The following PTPRG variants were observed in gnomAD, a reference collection of about 807,000 sequenced individuals.
PTPRG encodes the protein protein tyrosine phosphatase receptor type G.
In PTPRG, 102 loss-of-function variants were observed where a neutral mutation model predicts 165.3. The observed-to-expected ratio is 0.62, with a 90% CI of 0.53 to 0.73. The LOEUF (loss-of-function observed/expected upper bound fraction) is 0.73, where lower values mean the gene tolerates loss of function less well. Ranked by LOEUF, PTPRG falls within the 30% of genes least tolerant of loss-of-function variation. PTPRG has a pLI of 0.00. For missense variants in PTPRG, 1,866 were observed against 1,861.4 expected (o/e 1.00, Z -0.05); for synonymous variants, 675 against 669.5 (o/e 1.01, Z -0.13).
intron 1 of PTPRG, among the ~76,000 whole-genome samples, chr3:61,669,807 A>C (rs539271691): frequency 1.9e-4 from 29 of 152,296 alleles, no homozygotes; most frequent in Admixed American, 8.5e-4. Context: ...CACTGTGGAC[A>C]GCTGGTTGGG....
At chr3:62,113,626 G>T (rs934105299) in intron 5 of PTPRG, among the ~76,000 whole-genome samples, 1 of 152,154 alleles carries the variant, frequency 6.6e-6, no homozygotes. Flanking sequence ...CAAATGTCAA[G>T]CAACATGAGG....
chr3:62,078,901 G>T (rs758246490), intron 5 of PTPRG, among the ~76,000 whole-genome samples: 6 of 152,112 alleles, frequency 3.9e-5, no homozygotes, highest in Non-Finnish European at 7.4e-5. Context: ...GTGTTGATCA[G>T]TGAGTGCCTT....
intron 16 of PTPRG, among the ~76,000 whole-genome samples, chr3:62,258,312 C>G (rs1213633994): frequency 1.3e-5 from 2 of 152,194 alleles, no homozygotes; most frequent in Non-Finnish European, 2.9e-5. Context: ...TACTGATGAT[C>G]TACCATTCTC....
At chr3:61,612,190 G>C (rs1302980700) in intron 1 of PTPRG, among the ~76,000 whole-genome samples, 2 of 152,134 alleles carry the variant, frequency 1.3e-5, no homozygotes, top group Non-Finnish European at 2.9e-5. Flanking sequence ...TGATCCACCT[G>C]CCTTGGCCTA....
chr3:61,979,941 T>C (rs988158623), intron 2 of PTPRG, among the ~76,000 whole-genome samples: 2 of 152,104 alleles, frequency 1.3e-5, no homozygotes, highest in Non-Finnish European at 2.9e-5. Context: ...CTTTTTTTTT[T>C]TCCTCTCAGC....
intron 1 of PTPRG, among the ~76,000 whole-genome samples, chr3:61,588,076 T>C (rs1700478246): frequency 6.6e-6 from 1 of 152,206 alleles, no homozygotes; most frequent in African/African-American, 2.4e-5. Context: ...TTCTCTTTCA[T>C]GACCCTGCCC....
chr3:62,047,023 C>T (rs889491509), intron 4 of PTPRG, among the ~76,000 whole-genome samples: 3 of 152,010 alleles, frequency 2.0e-5, no homozygotes, highest in African/African-American at 7.2e-5. Flanking sequence ...GGTAATTTGC[C>T]CATGGGTATT....
chr3:61,699,219 C>G (rs1221299611), intron 1 of PTPRG, among the ~76,000 whole-genome samples: 1 of 151,754 alleles, frequency 6.6e-6, no homozygotes, highest in Non-Finnish European at 1.5e-5. Context: ...CGGGCGCGTT[C>G]AGGGTGGTAT....
chr3:61,628,485 T>TTTG (rs1054855455), intron 1 of PTPRG, among the ~76,000 whole-genome samples: 9 of 151,838 alleles, frequency 5.9e-5, no homozygotes, highest in Non-Finnish European at 1.3e-4. Context: ...CCAGCTAATT[T>TTTG]TTGTTGTTGT....
intron 2 of PTPRG, among the ~76,000 whole-genome samples, chr3:61,775,535 T>C (rs944974454): frequency 6.6e-6 from 1 of 152,186 alleles, no homozygotes; most frequent in African/African-American, 2.4e-5. Context: ...AAATCTTCTT[T>C]TTGATAATTT....
rs535970167 is a variant in PTPRG at position 62,295,938 on chromosome 3, T to C, written c.*2631T>C. 1 of 152,206 alleles carries C rather than the reference T, an allele frequency of 6.6e-6. No individual in the cohort carries two copies. Among genetic ancestry groups the C allele is most frequent in the South Asian group, 2.1e-4 (1 of 4,828 alleles). The allele number at this position is 152,206 out of a possible 1,614,324, so 9.4% of individuals were successfully genotyped here. A position where few individuals can be genotyped will look rare whatever the true frequency, so the allele number is the denominator to read the frequency against. ...CACATTGCTTAAGTACATAACAAGG[T>C]TATTAACACTTGCACTCAGGGGAAA... On this transcript the variant is annotated 3_prime_UTR_variant, in exon 30 of 30. Transcript: ENST00000474889.
At chr3:62,000,020 G>C (rs942676627) in intron 3 of PTPRG, among the ~76,000 whole-genome samples, 1 of 152,148 alleles carries the variant, frequency 6.6e-6, no homozygotes, top group African/African-American at 2.4e-5. Flanking sequence ...CCAGGCCCGG[G>C]CTGGGCACAG....
chr3:61,951,935 T>G (rs1281678879), intron 2 of PTPRG, among the ~76,000 whole-genome samples: 1 of 151,958 alleles, frequency 6.6e-6, no homozygotes, highest in African/African-American at 2.4e-5. Flanking sequence ...CTGGCCAACA[T>G]GGGGAAACCC....
At chr3:61,940,647 G>GC (rs1209911665) in intron 2 of PTPRG, among the ~76,000 whole-genome samples, 8 of 140,546 alleles carry the variant, frequency 5.7e-5, no homozygotes, top group African/African-American at 2.0e-4. Context: ...TTCAGTAGAT[G>GC]CTTTTATTTA....
At position 61,931,941 on chromosome 3, in the gene PTPRG, T is replaced by C. The variant is rs2039372802; in HGVS notation, c.191-57684T>C. The stretch of plus-strand genomic sequence containing the variant: ...TTGAAGCTTCTGGTTGAAACATTGC[T>C]CTTCTATGTTGTCTTCCTTTCTTAG... On this transcript the variant is annotated intron_variant, in intron 2 of 29. Transcript: ENST00000474889. Among the ~76,000 whole-genome samples the C allele has an allele frequency of 2.6e-5, 4 of 152,246 alleles. No homozygotes were observed. The South Asian group carries it at 6.2e-4, about 24-fold the overall frequency.
In PTPRG at chr3:61,742,856, T is replaced by C. The variant is rs1351779677; in HGVS notation, c.86-6022T>C. The C allele has an allele frequency of 1.8e-5, 28 of 1,572,650 alleles. No homozygotes were observed. In the Admixed American group the frequency reaches 4.0e-4, roughly 22 times the overall value. On this transcript the variant is annotated intron_variant, in intron 1 of 29. Coordinates refer to ENST00000474889, the MANE Select transcript of PTPRG (RefSeq NM_002841.4). ...AGTTTTTTCAGCGCCTCGATGTCCA[T>C]GTGGGGGATATCCACGGCCTTAGCC...
chr3:61,922,978 C>G (rs977241294), intron 2 of PTPRG, among the ~76,000 whole-genome samples: 9 of 152,196 alleles, frequency 5.9e-5, no homozygotes, highest in Admixed American at 5.9e-4. Flanking sequence ...CTATCCTGCT[C>G]TATTCCCTTA....
rs2148911872 is a variant in PTPRG at position 62,297,128 on chromosome 3, A to G, written c.*3821A>G. 6.6e-6 allele frequency: 1 copy of G among 152,162 alleles called. No homozygotes were observed. The highest frequency in any genetic ancestry group is 6.6e-5 in the Admixed American group (1 of 15,264). The allele number at this position is 152,162 out of a possible 1,614,324, so 9.4% of individuals were successfully genotyped here. Reference sequence around the variant, plus strand: ...CTGTAAATATTTTGTTGCTTGGGTAAGCATCTTCTGGGAACTTTGTATCTA... The same window carrying G: ...CTGTAAATATTTTGTTGCTTGGGTAGGCATCTTCTGGGAACTTTGTATCTA... On this transcript the variant is annotated 3_prime_UTR_variant, in exon 30 of 30. Coordinates refer to ENST00000474889, the MANE Select transcript of PTPRG (RefSeq NM_002841.4).
In PTPRG at chr3:62,085,856, T is replaced by C. The variant is rs529050046; in HGVS notation, c.615+7598T>C. 1.4e-3 allele frequency among the ~76,000 whole-genome samples: 208 copies of C among 152,332 alleles called. 1 individual carries two copies. The highest frequency in any genetic ancestry group is 1.6e-3 in the Non-Finnish European group (112 of 68,018). ...GCCATGCTCCATGGAAATCATGAGG[T>C]ATCCTCAGAATTGTGTCCTGCCCTC... On this transcript the variant is annotated intron_variant, in intron 5 of 29. Transcript: ENST00000474889.
Sources: gnomAD v4.1 joint callset for allele counts (sites outside exome capture counted in the v4.1 genomes callset) on GRCh38, gnomAD v4.1.1 for gene constraint, MANE v1.5 for transcripts, NCBI Gene and HGNC (gene_info 2026-07-23, HGNC 2026-07-21) for gene names.